The following RUNDC3B variants were observed in gnomAD, a reference collection of about 807,000 sequenced individuals.
RUNDC3B encodes RUN domain-containing protein 3B.
In RUNDC3B, 33 loss-of-function variants were observed where a neutral mutation model predicts 58.4. The observed-to-expected ratio is 0.56, with a 90% CI of 0.43 to 0.75. The LOEUF is 0.75. Ranked by LOEUF, RUNDC3B falls within the 30% of genes least tolerant of loss-of-function variation. The pLI, the probability that RUNDC3B is intolerant of heterozygous loss-of-function variation, is 0.00. For synonymous variants in RUNDC3B, 193 were observed against 195.2 expected (o/e 0.99, Z 0.10); for missense variants, 501 against 535.7 (o/e 0.94, Z 0.64).
chr7:87,688,263 A>G (rs1440802461), intron 2 of RUNDC3B, among the ~76,000 whole-genome samples: 1 of 152,142 alleles, frequency 6.6e-6, no homozygotes, highest in Non-Finnish European at 1.5e-5. Context: ...TTTAAATTGC[A>G]TATGGAATAA....
Position 87,777,820 on chromosome 7 carries a change from G to A in RUNDC3B, c.821G>A (p.Arg274Gln), listed in dbSNP as rs556184125. 99 of 1,613,428 alleles carry A rather than the reference G, an allele frequency of 6.1e-5. 2 individuals carry two copies. The South Asian group carries it at 1.0e-3, about 16-fold the overall frequency. Residue 274 changes from arginine (R) to glutamine (Q), a missense_variant, in exon 8 of 11, where the codon CGA becomes CAA. Transcript: ENST00000394654. The part of the protein sequence containing the change: ...EQKGYLEELL[R>Q]LRENQLSESV... ...CAGGGTTACCTTGAAGAACTCTTAC[G>A]ACTTCGAGAGAACCAACTATCTGAA...
At chr7:87,720,757 C>T (rs1428487684) in intron 4 of RUNDC3B, among the ~76,000 whole-genome samples, 2 of 151,284 alleles carry the variant, frequency 1.3e-5, no homozygotes, top group Admixed American at 6.6e-5. Context: ...CGTGCCACCA[C>T]GCCCTGCTAA....
intron 1 of RUNDC3B, among the ~76,000 whole-genome samples, chr7:87,649,206 A>G (rs1823327912): frequency 1.3e-5 from 2 of 152,148 alleles, no homozygotes; most frequent in South Asian, 2.1e-4. Flanking sequence ...GATAGTGGTT[A>G]TATGAATCTA....
intron 2 of RUNDC3B, among the ~76,000 whole-genome samples, chr7:87,658,988 C>T (rs1483508336): frequency 6.6e-6 from 1 of 152,086 alleles, no homozygotes; most frequent in African/African-American, 2.4e-5. Flanking sequence ...CCTGTCTCTA[C>T]AAAATATACA....
intron 7 of RUNDC3B, among the ~76,000 whole-genome samples, chr7:87,774,182 C>CA (rs886237166): frequency 1.3e-5 from 2 of 151,514 alleles, no homozygotes; most frequent in East Asian, 1.9e-4. Context: ...AATTATAGGT[C>CA]AAAAAAATTG....
intron 9 of RUNDC3B, among the ~76,000 whole-genome samples, chr7:87,814,967 A>T (rs753689434): frequency 5.9e-5 from 9 of 152,134 alleles, no homozygotes; most frequent in African/African-American, 9.7e-5. Context: ...AATAAAATTG[A>T]TGGAGAATAT....
intron 2 of RUNDC3B, among the ~76,000 whole-genome samples, chr7:87,698,621 G>A (rs1175535524): frequency 1.3e-5 from 2 of 152,094 alleles, no homozygotes; most frequent in East Asian, 3.9e-4. Context: ...AAGATTATCT[G>A]TGTTGTGCTG....
intron 3 of RUNDC3B, among the ~76,000 whole-genome samples, chr7:87,701,545 G>T (rs1033165503): frequency 6.6e-6 from 1 of 152,190 alleles, no homozygotes. Context: ...ACAAAATCAT[G>T]TATGGGTAAA....
chr7:87,769,942 T>C (rs550001173), intron 6 of RUNDC3B, among the ~76,000 whole-genome samples: 1 of 152,228 alleles, frequency 6.6e-6, no homozygotes, highest in East Asian at 1.9e-4. Context: ...TACCATTTTT[T>C]TCACCTTATG....
intron 2 of RUNDC3B, among the ~76,000 whole-genome samples, chr7:87,690,783 T>C (rs1827941644): frequency 6.6e-6 from 1 of 152,176 alleles, no homozygotes; most frequent in African/African-American, 2.4e-5. Flanking sequence ...AAATCTGAAT[T>C]ATTATCTGAT....
intron 7 of RUNDC3B, among the ~76,000 whole-genome samples, chr7:87,775,774 A>T (rs576867458): frequency 1.3e-5 from 2 of 152,324 alleles, no homozygotes; most frequent in East Asian, 3.9e-4. Flanking sequence ...TACCCAGTAT[A>T]GTAACATGCT....
intron 1 of RUNDC3B, among the ~76,000 whole-genome samples, chr7:87,646,616 C>T (rs1823028005): frequency 6.6e-6 from 1 of 152,080 alleles, no homozygotes. Flanking sequence ...AAATTTCCTT[C>T]TATTCAGGTC....
intron 4 of RUNDC3B, among the ~76,000 whole-genome samples, chr7:87,715,494 T>C (rs1324803789): frequency 2.2e-5 from 3 of 135,760 alleles, no homozygotes; most frequent in South Asian, 4.3e-4. Context: ...ATAATACATA[T>C]AATTATATTA....
At chr7:87,825,630 C>T (rs940281664) in intron 10 of RUNDC3B, among the ~76,000 whole-genome samples, 6 of 152,194 alleles carry the variant, frequency 3.9e-5, no homozygotes, top group Admixed American at 2.6e-4. Context: ...GATCCACTGA[C>T]ATCTTGCATC....
At chr7:87,822,678 C>T in intron 10 of RUNDC3B, among the ~76,000 whole-genome samples, 1 of 152,112 alleles carries the variant, frequency 6.6e-6, no homozygotes, top group Non-Finnish European at 1.5e-5. Flanking sequence ...GAAAATGTGG[C>T]ACATATACAC....
intron 2 of RUNDC3B, among the ~76,000 whole-genome samples, chr7:87,670,628 A>T (rs548626616): frequency 8.4e-4 from 128 of 152,308 alleles, no homozygotes; most frequent in African/African-American, 3.0e-3. Context: ...TGCATTGTAG[A>T]TTAAGTATAG....
At chr7:87,734,490 C>T (rs1831801744) in intron 4 of RUNDC3B, among the ~76,000 whole-genome samples, 1 of 152,134 alleles carries the variant, frequency 6.6e-6, no homozygotes. Flanking sequence ...AATCTCTTTA[C>T]TATTGCTGGA....
At chr7:87,818,819 C>T (rs1469389542) in intron 10 of RUNDC3B, among the ~76,000 whole-genome samples, 2 of 152,014 alleles carry the variant, frequency 1.3e-5, no homozygotes, top group Non-Finnish European at 2.9e-5. Context: ...TAAGTGTGAA[C>T]ATATGAAAAC....
intron 7 of RUNDC3B, among the ~76,000 whole-genome samples, chr7:87,773,934 T>G (rs920931939): frequency 2.6e-5 from 4 of 152,104 alleles, no homozygotes; most frequent in African/African-American, 9.7e-5. Flanking sequence ...CAACTCGGCC[T>G]CCCAAAGTGC....
Sources: allele counts gnomAD v4.1 joint callset (sites outside exome capture counted in the v4.1 genomes callset), GRCh38; gene constraint gnomAD v4.1.1; transcripts MANE v1.5; gene names NCBI Gene and HGNC (gene_info 2026-07-23, HGNC 2026-07-21).